Variants in RERE observed in about 807,000 individuals in gnomAD.
The protein encoded by RERE is arginine-glutamic acid dipeptide repeats protein.
Under a neutral mutation model 146.1 loss-of-function variants are expected in RERE, and 40 were observed. The ratio of observed to expected loss-of-function variants is 0.27; its 90% CI spans 0.21 to 0.36. RERE has a LOEUF of 0.36. Ranked by LOEUF, RERE falls within the 10% of genes least tolerant of loss-of-function variation. The pLI is 1.00. For synonymous variants in RERE, 1,003 were observed against 866.0 expected (o/e 1.16, Z -2.78); for missense variants, 1,933 against 2,138.7 (o/e 0.90, Z 1.90).
intron 4 of RERE, among the ~76,000 whole-genome samples, chr1:8,588,163 G>A (rs764173039): frequency 1.3e-5 from 2 of 152,120 alleles, no homozygotes; most frequent in Non-Finnish European, 2.9e-5. Flanking sequence ...TCCCTCCTGC[G>A]CAATGGACTG....
chr1:8,637,121 C>G (rs1478277498), intron 2 of RERE, among the ~76,000 whole-genome samples: 1 of 152,052 alleles, frequency 6.6e-6, no homozygotes, highest in Non-Finnish European at 1.5e-5. Flanking sequence ...AAGTAGAACA[C>G]AGAGCTCTTA....
chr1:8,761,081 C>A (rs1640748076), intron 1 of RERE, among the ~76,000 whole-genome samples: 1 of 152,154 alleles, frequency 6.6e-6, no homozygotes, highest in African/African-American at 2.4e-5. Context: ...TGTTCTCAAG[C>A]TCAGACTCGG....
At position 8,508,736 on chromosome 1, in the gene RERE, C is replaced by A. The variant is rs1479700961; in HGVS notation, c.831-61G>T. ...TACAGTTTTGACATAAACATTCACA[C>A]ATTTTTCAAAAAAAGTAATTCTCTT... is the stretch of plus-strand genomic sequence containing the variant. On this transcript the variant is annotated intron_variant, in intron 7 of 22. Coordinates refer to ENST00000400908, the MANE Select transcript of RERE (RefSeq NM_001042681.2). 5.2e-6 allele frequency: 7 copies of A among 1,348,572 alleles called. No homozygotes were observed. The Admixed American group carries it at 6.2e-5, about 12-fold the overall frequency. The allele number at this position is 1,348,572 out of a possible 1,614,324, so 83.5% of individuals were successfully genotyped here.
chr1:8,574,540 G>A (rs1456749958), intron 4 of RERE, among the ~76,000 whole-genome samples: 1 of 151,522 alleles, frequency 6.6e-6, no homozygotes, highest in Non-Finnish European at 1.5e-5. Flanking sequence ...GTAGAGATAG[G>A]GTTTCATCAT....
At chr1:8,435,252 C>T (rs1349991121) in intron 11 of RERE, among the ~76,000 whole-genome samples, 2 of 152,170 alleles carry the variant, frequency 1.3e-5, no homozygotes, top group African/African-American at 2.4e-5. Flanking sequence ...TTAGATAACA[C>T]GATATAGGCT....
rs1640688081 is a variant in RERE at position 8,758,401 on chromosome 1, T to C, written c.-145+58759A>G. 1.3e-5 allele frequency among the ~76,000 whole-genome samples: 2 copies of C among 151,274 alleles called. 1 individual carries two copies. The highest frequency in any genetic ancestry group is 4.2e-4 in the South Asian group (2 of 4,774). The stretch of plus-strand genomic sequence containing the variant: ...TGGCCCTCAATCTTTTTTTTTTTTT[T>C]TTTTTAAAGAAACGGGGTTTCACTC... On this transcript the variant is annotated intron_variant, in intron 1 of 22. Coordinates refer to ENST00000400908, the MANE Select transcript of RERE (RefSeq NM_001042681.2).
chr1:8,502,933 C>T (rs981807861), intron 8 of RERE, among the ~76,000 whole-genome samples: 1 of 151,030 alleles, frequency 6.6e-6, no homozygotes, highest in Non-Finnish European at 1.5e-5. Context: ...CTTAAGTACC[C>T]AGGGACACAA....
intron 12 of RERE, among the ~76,000 whole-genome samples, chr1:8,410,493 T>C (rs1643583527): frequency 6.6e-6 from 1 of 152,120 alleles, no homozygotes; most frequent in Non-Finnish European, 1.5e-5. Context: ...GGTGAAGTGA[T>C]ACAGATTTCA....
intron 7 of RERE, among the ~76,000 whole-genome samples, chr1:8,539,646 C>T (rs563614385): frequency 3.3e-5 from 5 of 152,252 alleles, no homozygotes; most frequent in South Asian, 2.1e-4. Flanking sequence ...CCTCACGATC[C>T]GCCCGCCTTG....
intron 1 of RERE, among the ~76,000 whole-genome samples, chr1:8,743,099 T>C (rs941632843): frequency 6.6e-6 from 1 of 151,940 alleles, no homozygotes; most frequent in Non-Finnish European, 1.5e-5. Flanking sequence ...ACATAATAAG[T>C]ATGCAGTCTA....
intron 11 of RERE, among the ~76,000 whole-genome samples, chr1:8,431,330 C>T (rs1010057973): frequency 6.6e-6 from 1 of 152,194 alleles, no homozygotes; most frequent in Non-Finnish European, 1.5e-5. Context: ...GTGAACTGCG[C>T]ATGTGAGGGA....
rs75844146 is a variant in RERE at position 8,759,054 on chromosome 1, T to C, written c.-145+58106A>G. Among the ~76,000 whole-genome samples, 27 of 152,210 alleles carry C rather than the reference T, an allele frequency of 1.8e-4. No homozygotes were observed. In the East Asian group the frequency reaches 5.0e-3, roughly 28 times the overall value. On this transcript the variant is annotated intron_variant, in intron 1 of 22. Coordinates refer to ENST00000400908, the MANE Select transcript of RERE (RefSeq NM_001042681.2). ...CTACTCAGATGCTGAAGCCGGAGGA[T>C]TGCTTAAGCCCAGGAGTTGGAGACC...
chr1:8,456,743 C>A (rs1220242511), intron 11 of RERE, among the ~76,000 whole-genome samples: 2 of 152,216 alleles, frequency 1.3e-5, no homozygotes, highest in South Asian at 2.1e-4. Context: ...CATGCTCCCA[C>A]CTCAGGGCCT....
At chr1:8,718,524 T>C (rs1639803166) in intron 1 of RERE, among the ~76,000 whole-genome samples, 1 of 152,254 alleles carries the variant, frequency 6.6e-6, no homozygotes, top group South Asian at 2.1e-4. Flanking sequence ...TTTTGTTTAG[T>C]TCTGAGAATA....
chr1:8,680,570 AGAAG>A (rs954347356), intron 1 of RERE, among the ~76,000 whole-genome samples: 2 of 152,200 alleles, frequency 1.3e-5, no homozygotes, highest in African/African-American at 4.8e-5. Context: ...AGAAAGGAAA[AGAAG>A]GAAGACAGAG....
intron 2 of RERE, among the ~76,000 whole-genome samples, chr1:8,650,907 AAAATT>A (rs1223115894): frequency 1.3e-4 from 19 of 150,770 alleles, no homozygotes; most frequent in Non-Finnish European, 2.2e-4. Flanking sequence ...AAAAAAAATA[AAAATT>A]AAATTAAATT....
At chr1:8,386,911 C>T (rs1557603892) in intron 12 of RERE, among the ~76,000 whole-genome samples, 2 of 152,012 alleles carry the variant, frequency 1.3e-5, no homozygotes, top group Non-Finnish European at 2.9e-5. Flanking sequence ...AGAAAAAAGA[C>T]GGATAAAGGG....
chr1:8,360,357 C>G lies in RERE; in HGVS notation c.3150G>C (p.Pro1050=), dbSNP rs370078343. 1.5e-6 allele frequency: 2 copies of G among 1,325,092 alleles called. No homozygotes were observed. The highest frequency in any genetic ancestry group is 3.3e-5 in the African/African-American group (2 of 60,102). 82.1% of individuals were successfully genotyped at this position (1,325,092 alleles called of 1,614,324 possible). A position where few individuals can be genotyped will look rare whatever the true frequency, so the allele number is the denominator to read the frequency against. Residue 1050 remains proline, a synonymous_variant, in exon 18 of 23, where the codon CCG becomes CCC. Transcript: ENST00000400908. ...VPGGPPPITP[P]TCPSTSTPPA... is the part of the protein sequence containing the mutation. The stretch of plus-strand genomic sequence containing the variant: ...GTGGGGTAGAGGTGGAGGGGCAGGT[C>G]GGAGGGGTGATGGGAGGAGGGCCTC...
At chr1:8,513,761 C>G (rs1266163819) in intron 7 of RERE, among the ~76,000 whole-genome samples, 1 of 152,112 alleles carries the variant, frequency 6.6e-6, no homozygotes, top group African/African-American at 2.4e-5. Flanking sequence ...GCCTGGGCAA[C>G]AAGAGCGAAA....
Sources: gnomAD v4.1 joint callset for allele counts (sites outside exome capture counted in the v4.1 genomes callset) on GRCh38, gnomAD v4.1.1 for gene constraint, MANE v1.5 for transcripts, NCBI Gene and HGNC (gene_info 2026-07-23, HGNC 2026-07-21) for gene names.